Variants in MAPRE3 observed in about 807,000 individuals in gnomAD.
MAPRE3 encodes the protein microtubule-associated protein RP/EB family member 3.
In MAPRE3, 2 loss-of-function variants were observed where a neutral mutation model predicts 30.5. The observed-to-expected ratio is 0.07, with a 90% CI of 0.03 to 0.21. The LOEUF is 0.21. MAPRE3 is among the 10% of genes least tolerant of loss of function. The pLI is 1.00. For synonymous variants in MAPRE3, 110 were observed against 127.7 expected (o/e 0.86, Z 0.93); for missense variants, 204 against 351.8 (o/e 0.58, Z 3.36).
intron 1 of MAPRE3, among the ~76,000 whole-genome samples, chr2:26,993,753 A>G (rs1666398755): frequency 6.6e-6 from 1 of 152,162 alleles, no homozygotes; most frequent in South Asian, 2.1e-4. Flanking sequence ...CAGCCTTACC[A>G]ACTCGATTTT....
chr2:27,017,506 A>G (rs1027230986), intron 1 of MAPRE3, among the ~76,000 whole-genome samples: 1 of 152,220 alleles, frequency 6.6e-6, no homozygotes, highest in African/African-American at 2.4e-5. Context: ...GACTGGGTCA[A>G]TGCTGAGAAG....
At chr2:26,988,558 A>G (rs1377377667) in intron 1 of MAPRE3, among the ~76,000 whole-genome samples, 1 of 152,202 alleles carries the variant, frequency 6.6e-6, no homozygotes, top group East Asian at 1.9e-4. Context: ...CTGCAATGTA[A>G]AACTCATGCT....
chr2:26,983,852 C>T (rs1030657541), intron 1 of MAPRE3, among the ~76,000 whole-genome samples: 2 of 152,174 alleles, frequency 1.3e-5, no homozygotes, highest in African/African-American at 4.8e-5. Flanking sequence ...AGAAGCTTCC[C>T]AAGATACCCA....
chr2:26,986,552 G>T lies in MAPRE3; in HGVS notation c.-8+15750G>T, dbSNP rs978112243. The T allele has an allele frequency of 6.6e-6, 1 of 152,136 alleles. No individual in the cohort carries two copies. The highest frequency in any genetic ancestry group is 1.5e-5 in the Non-Finnish European group (1 of 68,030). 9.4% of individuals were successfully genotyped at this position (152,136 alleles called of 1,614,324 possible). ...TCAGGCAGAAAACATGGAAAGCTAC[G>T]TCAGCTGCAACAGAAAGATGGGGGT... On this transcript the variant is annotated intron_variant, in intron 1 of 6. Transcript: ENST00000233121. The surrounding 1 kb of genome is among the most constrained non-coding windows in gnomAD (Gnocchi z 4.2).
intron 1 of MAPRE3, chr2:26,996,781 T>G (rs1666470894): frequency 6.6e-6 from 1 of 152,030 alleles, no homozygotes; most frequent in Non-Finnish European, 1.5e-5. Context: ...CATTCCAACC[T>G]GGGCGACAGA....
intron 1 of MAPRE3, among the ~76,000 whole-genome samples, chr2:26,975,027 A>G (rs1049991794): frequency 6.6e-6 from 1 of 152,204 alleles, no homozygotes; most frequent in Non-Finnish European, 1.5e-5. Flanking sequence ...TATTATTTCA[A>G]CTGCCAAAAC....
intron 1 of MAPRE3, among the ~76,000 whole-genome samples, chr2:26,991,548 A>G (rs926136479): frequency 6.6e-6 from 1 of 152,170 alleles, no homozygotes; most frequent in African/African-American, 2.4e-5. Flanking sequence ...CTCCAGTTCT[A>G]TCAGCTGTGT....
At chr2:27,005,462 A>C (rs998375546) in intron 1 of MAPRE3, among the ~76,000 whole-genome samples, 1 of 152,092 alleles carries the variant, frequency 6.6e-6, no homozygotes, top group Admixed American at 6.5e-5. Context: ...CCTCTCTCAC[A>C]TCTCATAGTG....
At chr2:26,999,488 CTTTTTTTTTTTTTTTTTTTTTT>C (rs531651199) in intron 1 of MAPRE3, among the ~76,000 whole-genome samples, 3 of 79,006 alleles carry the variant, frequency 3.8e-5, no homozygotes, top group Non-Finnish European at 6.8e-5. Context: ...TTCCTTCTTT[CTTTTTTTTTTTTTTTTTTTTTT>C]TTTTTGGGAT....
chr2:27,023,593 C>T (rs753058376), intron 3 of MAPRE3, 116 bp downstream of exon 3: 1 of 1,261,650 alleles, frequency 7.9e-7, no homozygotes, highest in Non-Finnish European at 1.1e-6. Flanking sequence ...GTGCCTCCCT[C>T]CACCTCCCGA....
chr2:26,998,550 C>G (rs1019916596), intron 1 of MAPRE3, among the ~76,000 whole-genome samples: 6 of 152,326 alleles, frequency 3.9e-5, no homozygotes, highest in African/African-American at 1.4e-4. Flanking sequence ...CTCTGAGCCT[C>G]AGTTCAGTTC....
intron 1 of MAPRE3, among the ~76,000 whole-genome samples, chr2:27,019,587 G>A (rs760193014): frequency 3.9e-5 from 6 of 152,218 alleles, no homozygotes; most frequent in East Asian, 1.9e-4. Context: ...GGCAGTGGGC[G>A]CAGAGACGTT....
chr2:26,980,801 A>AT (rs917310457), intron 1 of MAPRE3, among the ~76,000 whole-genome samples: 34 of 152,334 alleles, frequency 2.2e-4, no homozygotes, highest in African/African-American at 7.9e-4. Context: ...ACGAAGAATC[A>AT]TTTTTTATAA....
At chr2:26,973,821 C>T (rs776138458) in intron 1 of MAPRE3, among the ~76,000 whole-genome samples, 1 of 152,216 alleles carries the variant, frequency 6.6e-6, no homozygotes, top group East Asian at 1.9e-4. Context: ...TCCCAAAGTG[C>T]TGGGACTACA....
chr2:26,977,572 CT>C (rs1017068372), intron 1 of MAPRE3, among the ~76,000 whole-genome samples: 3 of 152,232 alleles, frequency 2.0e-5, no homozygotes, highest in African/African-American at 7.2e-5. Context: ...GCCTTCCTCC[CT>C]TTGCCCTTTG....
chr2:27,023,891 G>A (rs1021499985), intron 3 of MAPRE3: 2 of 566,756 alleles, frequency 3.5e-6, no homozygotes, highest in East Asian at 3.0e-5. Context: ...CACGGTGCCT[G>A]TAGAGAAGGG....
At chr2:27,005,635 T>C (rs2148215961) in intron 1 of MAPRE3, among the ~76,000 whole-genome samples, 1 of 152,344 alleles carries the variant, frequency 6.6e-6, no homozygotes, top group South Asian at 2.1e-4. Context: ...GTTTTCCTTT[T>C]CCTTGAATTA....
intron 1 of MAPRE3, among the ~76,000 whole-genome samples, chr2:26,999,713 G>C (rs896166054): frequency 2.0e-5 from 3 of 151,836 alleles, no homozygotes; most frequent in African/African-American, 7.3e-5. Context: ...TGTTGGTCAG[G>C]CTGGTCTCGA....
chr2:26,994,960 C>T (rs1332965175), intron 1 of MAPRE3, among the ~76,000 whole-genome samples: 1 of 151,960 alleles, frequency 6.6e-6, no homozygotes, highest in Non-Finnish European at 1.5e-5. Flanking sequence ...CCTCAGCCTC[C>T]CGAGTACCTA....
Sources: allele counts gnomAD v4.1 joint callset (sites outside exome capture counted in the v4.1 genomes callset), GRCh38; gene constraint gnomAD v4.1.1; non-coding constraint Gnocchi (gnomAD v3.1); transcripts MANE v1.5; gene names NCBI Gene and HGNC (gene_info 2026-07-23, HGNC 2026-07-21).